SLC8A1: variants seen among roughly 807,000 people sequenced by gnomAD.
The protein encoded by SLC8A1 is sodium/calcium exchanger 1.
SLC8A1 carries 18 observed loss-of-function variants against 68.3 expected under a neutral mutation model. The observed-to-expected ratio is 0.26, with a 90% CI of 0.18 to 0.39. The LOEUF is 0.39. Ranked by LOEUF, SLC8A1 falls within the 10% of genes least tolerant of loss-of-function variation. SLC8A1 has a pLI of 1.00. For missense variants in SLC8A1, 985 were observed against 1,156.7 expected (o/e 0.85, Z 2.15); for synonymous variants, 475 against 415.5 (o/e 1.14, Z -1.74).
intron 2 of SLC8A1, among the ~76,000 whole-genome samples, chr2:40,375,184 G>A (rs983875891): frequency 6.6e-6 from 1 of 151,960 alleles, no homozygotes; most frequent in Non-Finnish European, 1.5e-5. Flanking sequence ...TTGAAGGAAT[G>A]CTCAGTTAAT....
At chr2:40,208,374 G>C (rs2055900413) in intron 2 of SLC8A1, 1 of 152,044 alleles carries the variant, frequency 6.6e-6, no homozygotes, top group South Asian at 2.1e-4. Context: ...ATTTCTCTTA[G>C]GAATCACTAG....
chr2:40,215,447 C>G (rs1446149033), intron 2 of SLC8A1, among the ~76,000 whole-genome samples: 1 of 151,936 alleles, frequency 6.6e-6, no homozygotes, highest in Non-Finnish European at 1.5e-5. Context: ...ACCATCCTGG[C>G]TAACAAGGTG....
chr2:40,437,667 GTAT>G (rs1256968695), intron 1 of SLC8A1, among the ~76,000 whole-genome samples: 2 of 152,048 alleles, frequency 1.3e-5, no homozygotes, highest in African/African-American at 4.8e-5. Flanking sequence ...CAATAATTCA[GTAT>G]TTTTTAAAAT....
chr2:40,500,791 C>A (rs1225807989), intron 1 of SLC8A1, among the ~76,000 whole-genome samples: 1 of 96,674 alleles, frequency 1.0e-5, no homozygotes, highest in Non-Finnish European at 2.0e-5. Context: ...GTATTATCAT[C>A]TGACTTTTTT....
chr2:40,356,300 T>A (rs974523004), intron 2 of SLC8A1, among the ~76,000 whole-genome samples: 3 of 152,180 alleles, frequency 2.0e-5, no homozygotes, highest in Admixed American at 6.6e-5. Flanking sequence ...GACTGCCACA[T>A]AGGAAGTACT....
chr2:40,230,570 G>C (rs914411892), intron 2 of SLC8A1, among the ~76,000 whole-genome samples: 2 of 152,074 alleles, frequency 1.3e-5, no homozygotes, highest in Non-Finnish European at 2.9e-5. Flanking sequence ...CACATGATAG[G>C]CGTGTGCAAA....
chr2:40,364,350 TTGTGTGTGTGTTTG>T (rs1675405505), intron 2 of SLC8A1, among the ~76,000 whole-genome samples: 1 of 151,774 alleles, frequency 6.6e-6, no homozygotes, highest in South Asian at 2.1e-4. Context: ...CACTACGAGT[TTGTGTGTGTGTTTG>T]TGTGTGTGTG....
chr2:40,505,983 G>A (rs752083997), intron 1 of SLC8A1, among the ~76,000 whole-genome samples: 6 of 151,888 alleles, frequency 4.0e-5, no homozygotes, highest in Non-Finnish European at 7.4e-5. Context: ...CTAAACCATC[G>A]TTGAACATAA....
At chr2:40,182,667 C>T (rs1361421462) in intron 2 of SLC8A1, among the ~76,000 whole-genome samples, 1 of 152,164 alleles carries the variant, frequency 6.6e-6, no homozygotes, top group Non-Finnish European at 1.5e-5. Context: ...CATCTTCAAA[C>T]AGACTACCAA....
intron 2 of SLC8A1, among the ~76,000 whole-genome samples, chr2:40,312,017 A>G (rs1229917932): frequency 6.6e-6 from 1 of 152,094 alleles, no homozygotes; most frequent in Admixed American, 6.6e-5. Context: ...GGTACAGCTC[A>G]TTCTCACTCC....
rs868754535 is a variant in SLC8A1 at position 40,435,707 on chromosome 2, G to C, written c.-24-5403C>G. Among the ~76,000 whole-genome samples, 3 of 152,256 alleles carry C rather than the reference G, an allele frequency of 2.0e-5. No homozygotes were observed. The Middle Eastern group carries it at 0.01, about 518-fold the overall frequency. On this transcript the variant is annotated intron_variant, in intron 1 of 7. Transcript: ENST00000406785. ...ACTTAGGATATAAAATAACGAAGTTGTTGAAAACTCATGAGATGCACTGTT... is the reference window on the plus strand; with the variant it reads ...ACTTAGGATATAAAATAACGAAGTTCTTGAAAACTCATGAGATGCACTGTT...
Position 40,373,255 on chromosome 2 carries a change from C to T in SLC8A1, c.1808+55218G>A, listed in dbSNP as rs183461881. 3.2e-4 allele frequency among the ~76,000 whole-genome samples: 48 copies of T among 152,164 alleles called. No homozygotes were observed. The East Asian group carries it at 8.5e-3, about 27-fold the overall frequency. ...TATCTCTGGGTATGTGATTCTATCT[C>T]TTTACTAATATACAAAGCTGTCTTG... is the stretch of plus-strand genomic sequence containing the variant. On this transcript the variant is annotated intron_variant, in intron 2 of 7. Transcript: ENST00000406785.
At chr2:40,326,639 C>T (rs942804729) in intron 2 of SLC8A1, among the ~76,000 whole-genome samples, 1 of 152,144 alleles carries the variant, frequency 6.6e-6, no homozygotes, top group Non-Finnish European at 1.5e-5. Context: ...AGGTGGTCCC[C>T]TTGTCCAAAA....
chr2:40,272,441 A>T (rs1261505770), intron 2 of SLC8A1, among the ~76,000 whole-genome samples: 1 of 152,132 alleles, frequency 6.6e-6, no homozygotes, highest in South Asian at 2.1e-4. Context: ...ATCTGAATTC[A>T]TTTGCAGACA....
chr2:40,364,357 T>A (rs1003618104), intron 2 of SLC8A1, among the ~76,000 whole-genome samples: 1 of 151,914 alleles, frequency 6.6e-6, no homozygotes, highest in Admixed American at 6.6e-5. Context: ...AGTTTGTGTG[T>A]GTGTTTGTGT....
Position 40,229,431 on chromosome 2 carries a change from G to C in SLC8A1, c.1809-51576C>G, listed in dbSNP as rs921934756. ...AACACTTAAAAAAAATCTGTTGTTAGAGAATCTCCTTAATTTTTTTCAAAG... is the reference window on the plus strand; with the variant it reads ...AACACTTAAAAAAAATCTGTTGTTACAGAATCTCCTTAATTTTTTTCAAAG... On this transcript the variant is annotated intron_variant, in intron 2 of 7. Transcript: ENST00000406785. Among the ~76,000 whole-genome samples, 7 of 152,186 alleles carry C rather than the reference G, an allele frequency of 4.6e-5. No individual in the cohort carries two copies. In the East Asian group the frequency reaches 1.2e-3, roughly 25 times the overall value.
At chr2:40,214,560 G>A (rs940630251) in intron 2 of SLC8A1, among the ~76,000 whole-genome samples, 13 of 150,990 alleles carry the variant, frequency 8.6e-5, no homozygotes, top group East Asian at 2.0e-4. Context: ...TCCTGCCTCC[G>A]CCTCCCGAGT....
intron 2 of SLC8A1, among the ~76,000 whole-genome samples, chr2:40,391,195 C>CACACACGTATATATATACAT (rs1257896020): frequency 1.3e-5 from 2 of 151,076 alleles, no homozygotes; most frequent in African/African-American, 2.4e-5. Context: ...ATATATTACA[C>CACACACGTATATATATACAT]ACACACATAT....
intron 2 of SLC8A1, among the ~76,000 whole-genome samples, chr2:40,235,340 G>T (rs1197636425): frequency 6.6e-6 from 1 of 152,070 alleles, no homozygotes; most frequent in African/African-American, 2.4e-5. Context: ...GAGTGTATGT[G>T]TCGAGGAATT....
Sources: allele counts gnomAD v4.1 joint callset (sites outside exome capture counted in the v4.1 genomes callset), GRCh38; gene constraint gnomAD v4.1.1; transcripts MANE v1.5; gene names NCBI Gene and HGNC (gene_info 2026-07-23, HGNC 2026-07-21).